L3MBTL4: variants seen among roughly 807,000 people sequenced by gnomAD.
L3MBTL4 encodes the protein lethal(3)malignant brain tumor-like protein 4.
In L3MBTL4, 70 loss-of-function variants were observed where a neutral mutation model predicts 84.5. That is an observed-to-expected ratio of 0.83 (90% confidence interval 0.68 to 1.01). The LOEUF (loss-of-function observed/expected upper bound fraction) is 1.01, where lower values mean the gene tolerates loss of function less well. Among genes scored for constraint, L3MBTL4 ranks in the 50% least tolerant of loss-of-function variants. L3MBTL4 has a pLI of 0.00. For missense variants in L3MBTL4, 715 were observed against 754.8 expected (o/e 0.95, Z 0.62); for synonymous variants, 274 against 259.8 (o/e 1.05, Z -0.52).
At chr18:6,222,518 C>T (rs534014275) in intron 10 of L3MBTL4, among the ~76,000 whole-genome samples, 1 of 152,302 alleles carries the variant, frequency 6.6e-6, no homozygotes, top group East Asian at 1.9e-4. Context: ...TCTAATCTAA[C>T]CCAATGTTTT....
At chr18:6,160,981 T>C (rs1405605708) in intron 13 of L3MBTL4, among the ~76,000 whole-genome samples, 1 of 152,152 alleles carries the variant, frequency 6.6e-6, no homozygotes, top group Admixed American at 6.6e-5. Flanking sequence ...AGTTTCCAAA[T>C]GATGTGACTA....
intron 13 of L3MBTL4, among the ~76,000 whole-genome samples, chr18:6,170,559 C>G (rs187384883): frequency 5.3e-5 from 8 of 152,228 alleles, no homozygotes; most frequent in African/African-American, 1.9e-4. Flanking sequence ...CTCTGGGATG[C>G]TTCTGAGACA....
At chr18:6,075,573 G>A (rs924381891) in intron 16 of L3MBTL4, among the ~76,000 whole-genome samples, 1 of 151,992 alleles carries the variant, frequency 6.6e-6, no homozygotes, top group African/African-American at 2.4e-5. Flanking sequence ...AAAAAATAAA[G>A]ATTCTAGAAT....
Position 6,215,737 on chromosome 18 carries a change from A to C in L3MBTL4, c.870+13T>G. The C allele has an allele frequency of 1.3e-6, 2 of 1,541,824 alleles. No homozygotes were observed. Among genetic ancestry groups the C allele is most frequent in the Non-Finnish European group, 1.8e-6 (2 of 1,124,052 alleles). On this transcript the variant is annotated intron_variant, in intron 11 of 18. Coordinates refer to ENST00000317931, the MANE Select transcript of L3MBTL4 (RefSeq NM_001330559.2). ...TGTTTAAAGGTGAGAGTTTGTACCC[A>C]CATAGAACTTACCATTTTAAAAACT...
chr18:6,110,634 C>G (rs1227860396), intron 14 of L3MBTL4, among the ~76,000 whole-genome samples: 1 of 150,208 alleles, frequency 6.7e-6, no homozygotes, highest in Non-Finnish European at 1.5e-5. Context: ...CATGTGGGTG[C>G]ACATGTGTAT....
chr18:5,971,598 A>G (rs1012937702), intron 16 of L3MBTL4, among the ~76,000 whole-genome samples: 1 of 152,246 alleles, frequency 6.6e-6, no homozygotes, highest in South Asian at 2.1e-4. Flanking sequence ...TGTGATTCCC[A>G]AATGAAAGCT....
chr18:6,220,740 T>C (rs1164591931), intron 10 of L3MBTL4, among the ~76,000 whole-genome samples: 2 of 152,238 alleles, frequency 1.3e-5, no homozygotes, highest in Non-Finnish European at 2.9e-5. Flanking sequence ...ATTTGTTGAA[T>C]GAATAAAATA....
chr18:6,145,485 A>G (rs2042609581), intron 13 of L3MBTL4, among the ~76,000 whole-genome samples: 2 of 151,632 alleles, frequency 1.3e-5, no homozygotes, highest in Admixed American at 6.6e-5. Flanking sequence ...GCCAGCATCA[A>G]AAAAAAAGAA....
chr18:6,072,614 G>A (rs1440001980), intron 16 of L3MBTL4, among the ~76,000 whole-genome samples: 13 of 150,926 alleles, frequency 8.6e-5, no homozygotes, highest in Non-Finnish European at 1.2e-4. Flanking sequence ...GCCGAGGCGG[G>A]TGAATCATGA....
At chr18:6,403,919 A>G (rs1416412270) in intron 1 of L3MBTL4, among the ~76,000 whole-genome samples, 2 of 152,256 alleles carry the variant, frequency 1.3e-5, no homozygotes, top group Non-Finnish European at 2.9e-5. Context: ...CTCAGCCATA[A>G]AAGAAAATGA....
chr18:6,370,041 C>T (rs631337), intron 1 of L3MBTL4, among the ~76,000 whole-genome samples: 11,615 of 148,516 alleles, frequency 0.078, 500 homozygotes, highest in Non-Finnish European at 0.099. Flanking sequence ...GGCTGAGGCA[C>T]GAGAATTGCT....
chr18:6,021,586 T>C (rs1456193214), intron 16 of L3MBTL4, among the ~76,000 whole-genome samples: 1 of 152,154 alleles, frequency 6.6e-6, no homozygotes, highest in Admixed American at 6.5e-5. Flanking sequence ...TTTGCGGCCC[T>C]CCCTGCATGG....
chr18:6,069,788 C>T lies in L3MBTL4; in HGVS notation c.1444+11093G>A, dbSNP rs561850542. On this transcript the variant is annotated intron_variant, in intron 16 of 18. Coordinates refer to ENST00000317931, the MANE Select transcript of L3MBTL4 (RefSeq NM_001330559.2). ...CTCCAATAACAAAGGCAAAAGATGACTCAGATAAATAACGGTGACTAATGT... is the reference window on the plus strand; with the variant it reads ...CTCCAATAACAAAGGCAAAAGATGATTCAGATAAATAACGGTGACTAATGT... Among the ~76,000 whole-genome samples the T allele has an allele frequency of 2.6e-5, 4 of 152,210 alleles. No individual in the cohort carries two copies. In the South Asian group the frequency reaches 8.3e-4, roughly 32 times the overall value.
At chr18:6,177,515 C>T (rs762500263) in intron 12 of L3MBTL4, among the ~76,000 whole-genome samples, 3 of 152,138 alleles carry the variant, frequency 2.0e-5, no homozygotes, top group Non-Finnish European at 4.4e-5. Context: ...TTCTACATCT[C>T]GACTGGGATG....
At chr18:6,257,806 C>A (rs756354843) in intron 5 of L3MBTL4, among the ~76,000 whole-genome samples, 7 of 151,940 alleles carry the variant, frequency 4.6e-5, no homozygotes, top group Admixed American at 3.3e-4. Context: ...ACCACTACAC[C>A]CAGCTAATTT....
At chr18:6,177,538 G>A (rs575364739) in intron 12 of L3MBTL4, among the ~76,000 whole-genome samples, 1 of 152,298 alleles carries the variant, frequency 6.6e-6, no homozygotes, top group African/African-American at 2.4e-5. Flanking sequence ...GGCTATGCAG[G>A]ATATATTATA....
chr18:6,388,712 G>GTT (rs979293713), intron 1 of L3MBTL4, among the ~76,000 whole-genome samples: 2 of 152,184 alleles, frequency 1.3e-5, no homozygotes, highest in African/African-American at 4.8e-5. Flanking sequence ...ATGGATATTT[G>GTT]TTTTGTATTC....
At chr18:6,411,748 G>A (rs2055973999) in intron 1 of L3MBTL4, among the ~76,000 whole-genome samples, 1 of 152,054 alleles carries the variant, frequency 6.6e-6, no homozygotes, top group African/African-American at 2.4e-5. Flanking sequence ...CCCCATAGTC[G>A]CTGAGTATTT....
chr18:6,393,228 T>C (rs190251371), intron 1 of L3MBTL4, among the ~76,000 whole-genome samples: 101 of 152,342 alleles, frequency 6.6e-4, no homozygotes, highest in Middle Eastern at 3.4e-3. Flanking sequence ...CTAATTTCTC[T>C]GTGCACTATC....
Sources: gnomAD v4.1 joint callset for allele counts (sites outside exome capture counted in the v4.1 genomes callset) on GRCh38, gnomAD v4.1.1 for gene constraint, MANE v1.5 for transcripts, NCBI Gene and HGNC (gene_info 2026-07-23, HGNC 2026-07-21) for gene names.